The following WDTC1 variants were observed in gnomAD, a reference collection of about 807,000 sequenced individuals.
WDTC1 encodes the protein WD and tetratricopeptide repeats protein 1.
A neutral mutation model predicts 76.0 loss-of-function variants in WDTC1; 12 were observed. That is an observed-to-expected ratio of 0.16 (90% confidence interval 0.10 to 0.26). The LOEUF (loss-of-function observed/expected upper bound fraction) is 0.26. WDTC1 is among the 10% of genes least tolerant of loss of function. The pLI is 1.00. For missense variants in WDTC1, 511 were observed against 908.8 expected (o/e 0.56, Z 5.63); for synonymous variants, 326 against 350.8 (o/e 0.93, Z 0.79).
At chr1:27,279,825 CA>C in intron 3 of WDTC1, among the ~76,000 whole-genome samples, 1 of 152,344 alleles carries the variant, frequency 6.6e-6, no homozygotes, top group South Asian at 2.1e-4. Context: ...CCTAGCCTCC[CA>C]AAGTGCTGAG....
chr1:27,295,873 C>A (rs1180704101), intron 9 of WDTC1, among the ~76,000 whole-genome samples: 2 of 152,080 alleles, frequency 1.3e-5, no homozygotes, highest in African/African-American at 4.8e-5. Flanking sequence ...TCAAGTGATT[C>A]CCCCACCTCA....
intron 1 of WDTC1, among the ~76,000 whole-genome samples, chr1:27,239,033 G>A (rs1490578431): frequency 4.3e-5 from 6 of 140,078 alleles, no homozygotes; most frequent in African/African-American, 1.6e-4. Flanking sequence ...AGACAGGGTA[G>A]ATGGGAAGAC....
At chr1:27,299,362 G>A (rs536630854) in intron 12 of WDTC1, among the ~76,000 whole-genome samples, 4 of 152,260 alleles carry the variant, frequency 2.6e-5, no homozygotes, top group Non-Finnish European at 5.9e-5. Context: ...GAATGGTCAG[G>A]TAAAGGGCTG....
intron 3 of WDTC1, among the ~76,000 whole-genome samples, chr1:27,271,441 C>T (rs1411965749): frequency 6.6e-6 from 1 of 151,934 alleles, no homozygotes. Context: ...TCTCAAATTC[C>T]TGGCCTCAAG....
chr1:27,252,358 A>G (rs76803139), intron 1 of WDTC1, among the ~76,000 whole-genome samples: 1 of 152,108 alleles, frequency 6.6e-6, no homozygotes, highest in East Asian at 1.9e-4. Context: ...GTCTCAAAAA[A>G]CAAAAATAAA....
intron 3 of WDTC1, among the ~76,000 whole-genome samples, chr1:27,264,628 CTTTGT>C (rs201984611): frequency 0.038 from 5,796 of 150,966 alleles, 153 homozygotes; most frequent in Middle Eastern, 0.068. Flanking sequence ...TTTTGTGGGT[CTTTGT>C]TTTGTTTTGT....
chr1:27,296,427 A>T (rs2013686584), intron 10 of WDTC1, 26 bp downstream of exon 10: 1 of 1,612,930 alleles, frequency 6.2e-7, no homozygotes. Context: ...GGGTATCTCT[A>T]CTGCGGCGGT....
intron 12 of WDTC1, among the ~76,000 whole-genome samples, chr1:27,299,581 C>G (rs2013780800): frequency 1.3e-5 from 2 of 152,144 alleles, no homozygotes; most frequent in Non-Finnish European, 2.9e-5. Flanking sequence ...GTTTGCAGAA[C>G]AGCAAATCCA....
At chr1:27,246,472 G>C (rs1205054974) in intron 1 of WDTC1, among the ~76,000 whole-genome samples, 2 of 152,058 alleles carry the variant, frequency 1.3e-5, no homozygotes, top group Admixed American at 1.3e-4. Context: ...TTCATCAATT[G>C]ATGGCCATTT....
chr1:27,286,162 C>T (rs1448530144), intron 5 of WDTC1, among the ~76,000 whole-genome samples: 1 of 151,828 alleles, frequency 6.6e-6, no homozygotes, highest in African/African-American at 2.4e-5. Context: ...CACACCACCA[C>T]ATCCGGCTAA....
intron 1 of WDTC1, among the ~76,000 whole-genome samples, chr1:27,254,137 A>AT (rs2012194414): frequency 6.6e-6 from 1 of 152,162 alleles, no homozygotes; most frequent in South Asian, 2.1e-4. Flanking sequence ...AAACAAAATG[A>AT]TTTTTTAAAA....
intron 6 of WDTC1, among the ~76,000 whole-genome samples, chr1:27,290,122 C>G (rs933513151): frequency 4.6e-5 from 7 of 152,062 alleles, no homozygotes; most frequent in African/African-American, 9.7e-5. Context: ...CATTCTATTG[C>G]CGAGGTTGGA....
chr1:27,250,068 G>T (rs1026974817), intron 1 of WDTC1, among the ~76,000 whole-genome samples: 1 of 152,154 alleles, frequency 6.6e-6, no homozygotes, highest in African/African-American at 2.4e-5. Context: ...CGGGGGAAAT[G>T]TTATAATCCA....
In WDTC1 at chr1:27,288,983, A is replaced by ACC. The variant is rs557860054; in HGVS notation, c.479+1131_479+1132dup. Among the ~76,000 whole-genome samples, 1,169 of 120,152 alleles carry ACC rather than the reference A, an allele frequency of 9.7e-3. 10 individuals carry two copies. Among genetic ancestry groups the ACC allele is most frequent in the East Asian group, 0.017 (68 of 3,910 alleles). 78.8% of individuals were successfully genotyped at this position (120,152 alleles called of 152,430 possible). On this transcript the variant is annotated intron_variant, in intron 6 of 15. Coordinates refer to ENST00000319394, the MANE Select transcript of WDTC1 (RefSeq NM_001276252.2). ...GGGCGGCTGGCCGGGCGGGGGGCTG[A>ACC]CCCCCCCCCCACCTCCCTCCCGGAC...
intron 1 of WDTC1, among the ~76,000 whole-genome samples, chr1:27,244,824 G>T (rs1233069052): frequency 2.6e-5 from 4 of 152,166 alleles, no homozygotes; most frequent in Non-Finnish European, 5.9e-5. Flanking sequence ...TGTCACCCTG[G>T]TTGGGGGCAC....
intron 12 of WDTC1, among the ~76,000 whole-genome samples, chr1:27,300,461 G>A (rs774622779): frequency 2.0e-5 from 3 of 152,160 alleles, no homozygotes; most frequent in Admixed American, 6.5e-5. Flanking sequence ...GGGAAAAGGA[G>A]GGGCTTCTCT....
intron 1 of WDTC1, among the ~76,000 whole-genome samples, chr1:27,258,718 C>T (rs1048602056): frequency 6.6e-6 from 1 of 152,154 alleles, no homozygotes; most frequent in Admixed American, 6.6e-5. Flanking sequence ...AAAACAAAAT[C>T]TGCAATAACA....
At chr1:27,238,867 G>A (rs1047977622) in intron 1 of WDTC1, among the ~76,000 whole-genome samples, 8 of 149,674 alleles carry the variant, frequency 5.3e-5, no homozygotes, top group African/African-American at 1.5e-4. Flanking sequence ...GCCCAGCCCC[G>A]GCTAATTTTT....
At position 27,307,884 on chromosome 1, in the gene WDTC1, A is replaced by C. The variant is rs1296049739; in HGVS notation, c.*1501A>C. ...AATGAAGTATATTTATTGGTGAAGG[A>C]AACAGCTGCTGCTGCTTCTCCTGCT... On this transcript the variant is annotated 3_prime_UTR_variant, in exon 16 of 16. Coordinates refer to ENST00000319394, the MANE Select transcript of WDTC1 (RefSeq NM_001276252.2). The surrounding 1 kb of genome is among the most constrained non-coding windows in gnomAD (Gnocchi z 4.1). The C allele has an allele frequency of 2.1e-5, 3 of 146,242 alleles. No individual in the cohort carries two copies. Among genetic ancestry groups the C allele is most frequent in the Non-Finnish European group, 4.5e-5 (3 of 66,592 alleles). The allele number at this position is 146,242 out of a possible 1,614,324, so 9.1% of individuals were successfully genotyped here. A position where few individuals can be genotyped will look rare whatever the true frequency, so the allele number is the denominator to read the frequency against.
Sources: gnomAD v4.1 joint callset for allele counts (sites outside exome capture counted in the v4.1 genomes callset) on GRCh38, gnomAD v4.1.1 for gene constraint, Gnocchi (gnomAD v3.1) non-coding constraint, MANE v1.5 for transcripts, NCBI Gene and HGNC (gene_info 2026-07-23, HGNC 2026-07-21) for gene names.